Variants in ZNF486 observed in about 807,000 individuals in gnomAD.
The protein encoded by ZNF486 is KRAB box only protein 2.
A neutral mutation model predicts 12.8 loss-of-function variants in ZNF486; 12 were observed. The observed-to-expected ratio is 0.94, with a 90% CI of 0.60 to 1.52. The LOEUF (loss-of-function observed/expected upper bound fraction) is 1.52. Among genes scored for constraint, ZNF486 ranks in the 40% most tolerant of loss-of-function variants. The probability of loss-of-function intolerance (pLI) is 0.00; values close to 1 mark genes in which losing one functional copy is unlikely to be tolerated. For synonymous variants in ZNF486, 231 were observed against 184.9 expected (o/e 1.25, Z -2.02); for missense variants, 738 against 545.0 (o/e 1.35, Z -3.53).
At chr19:20,191,358 T>C (rs1178725837) in intron 3 of ZNF486, among the ~76,000 whole-genome samples, 1 of 150,932 alleles carries the variant, frequency 6.6e-6, no homozygotes, top group Non-Finnish European at 1.5e-5. Flanking sequence ...TCTCAGCTAC[T>C]TGGGAGGCTG....
intron 1 of ZNF486, among the ~76,000 whole-genome samples, chr19:20,169,107 G>T (rs2089617620): frequency 1.3e-5 from 2 of 151,944 alleles, no homozygotes; most frequent in South Asian, 4.2e-4. Context: ...CCGAAGTGGT[G>T]GGGTTACTAC....
At chr19:20,181,042 A>G (rs1354748954) in intron 1 of ZNF486, among the ~76,000 whole-genome samples, 2 of 152,170 alleles carry the variant, frequency 1.3e-5, no homozygotes, top group African/African-American at 4.8e-5. Flanking sequence ...CCCCAGTGGC[A>G]TAGAGAACAG....
At chr19:20,173,147 G>A (rs990107105) in intron 1 of ZNF486, among the ~76,000 whole-genome samples, 1 of 152,172 alleles carries the variant, frequency 6.6e-6, no homozygotes, top group Non-Finnish European at 1.5e-5. Context: ...CAGTTTCTGT[G>A]TCTAGAATGG....
intron 1 of ZNF486, among the ~76,000 whole-genome samples, chr19:20,168,518 G>A (rs2089609930): frequency 6.6e-6 from 1 of 151,984 alleles, no homozygotes; most frequent in Non-Finnish European, 1.5e-5. Context: ...GCTGGGCTTG[G>A]TGGCGCATGC....
At chr19:20,191,657 C>G (rs2089904389) in intron 3 of ZNF486, among the ~76,000 whole-genome samples, 2 of 151,034 alleles carry the variant, frequency 1.3e-5, no homozygotes, top group African/African-American at 4.9e-5. Context: ...GTAGTCCCAG[C>G]TACTCGGGAG....
At chr19:20,190,454 G>T (rs1599713610) in intron 3 of ZNF486, among the ~76,000 whole-genome samples, 1 of 152,158 alleles carries the variant, frequency 6.6e-6, no homozygotes, top group African/African-American at 2.4e-5. Flanking sequence ...GCATAATTTT[G>T]GCTCACTATA....
intron 2 of ZNF486, 63 bp from the exon 3 acceptor site, chr19:20,185,924 C>T (rs1367236754): frequency 2.0e-6 from 2 of 1,021,888 alleles, no homozygotes; most frequent in African/African-American, 1.7e-5. Context: ...CTGCTGAGCA[C>T]ATTACTAGCT....
At chr19:20,167,399 A>C (rs201423315) in intron 1 of ZNF486, 39 bp downstream of exon 1, 2 of 1,606,734 alleles carry the variant, frequency 1.2e-6, no homozygotes, top group Non-Finnish European at 8.5e-7. Context: ...GAGGGGAGGG[A>C]CTGGTTGATG....
At chr19:20,187,088 T>C (rs1373949962) in intron 3 of ZNF486, among the ~76,000 whole-genome samples, 1 of 151,938 alleles carries the variant, frequency 6.6e-6, no homozygotes, top group Non-Finnish European at 1.5e-5. Context: ...CGGCCCATAG[T>C]TTTTTTATTG....
At chr19:20,182,692 T>C (rs979536698) in intron 1 of ZNF486, among the ~76,000 whole-genome samples, 6 of 152,184 alleles carry the variant, frequency 3.9e-5, no homozygotes, top group African/African-American at 1.2e-4. Flanking sequence ...GAGAAACTTA[T>C]ATTTCTATCT....
chr19:20,187,627 G>A (rs887890613), intron 3 of ZNF486, among the ~76,000 whole-genome samples: 8 of 148,806 alleles, frequency 5.4e-5, no homozygotes, highest in East Asian at 2.0e-4. Context: ...TCAGCCTCCC[G>A]AGTAGCTGGG....
chr19:20,180,857 GTACA>G (rs1396313170), intron 1 of ZNF486, among the ~76,000 whole-genome samples: 2 of 152,148 alleles, frequency 1.3e-5, no homozygotes, highest in African/African-American at 4.8e-5. Flanking sequence ...CTTCTAAAGT[GTACA>G]TATTGATTTT....
chr19:20,169,787 G>C (rs111724847), intron 1 of ZNF486, among the ~76,000 whole-genome samples: 15 of 151,940 alleles, frequency 9.9e-5, no homozygotes, highest in Admixed American at 2.6e-4. Context: ...AAGCGGGGAG[G>C]GGAATGACAA....
At position 20,167,255 on chromosome 19, in the gene ZNF486, C is replaced by A; in HGVS notation, c.-76C>A. The A allele has an allele frequency of 6.3e-7, 1 of 1,589,182 alleles. No individual in the cohort carries two copies. The highest frequency in any genetic ancestry group is 8.6e-7 in the Non-Finnish European group (1 of 1,157,480). Reference sequence around the variant, plus strand: ...GGAGCTCTAGGTCGCCTCTTCGCTACTCTGTGTCCTCTGCTCCTAGAGGCC... The same window carrying A: ...GGAGCTCTAGGTCGCCTCTTCGCTAATCTGTGTCCTCTGCTCCTAGAGGCC... On this transcript the variant is annotated 5_prime_UTR_variant, in exon 1 of 4. Transcript: ENST00000335117.
At chr19:20,178,291 G>A (rs57454631) in intron 1 of ZNF486, among the ~76,000 whole-genome samples, 1 of 151,730 alleles carries the variant, frequency 6.6e-6, no homozygotes, top group Non-Finnish European at 1.5e-5. Flanking sequence ...ACCCAGGCTG[G>A]AGTGTGCTGT....
chr19:20,175,346 T>TTTTTA (rs2089694521), intron 1 of ZNF486: 1 of 147,076 alleles, frequency 6.8e-6, no homozygotes, highest in African/African-American at 2.5e-5. Context: ...TTTTTTTTTT[T>TTTTTA]TTTTATTGAT....
chr19:20,182,934 C>T (rs918154470), intron 1 of ZNF486, among the ~76,000 whole-genome samples: 2 of 152,070 alleles, frequency 1.3e-5, no homozygotes, highest in East Asian at 1.9e-4. Flanking sequence ...TTAAGGTAAA[C>T]GTGTCTCAGA....
intron 1 of ZNF486, among the ~76,000 whole-genome samples, chr19:20,177,640 C>G (rs1194034858): frequency 6.6e-6 from 1 of 152,082 alleles, no homozygotes; most frequent in Non-Finnish European, 1.5e-5. Flanking sequence ...TGCAATGGTG[C>G]GATCTCAGCT....
chr19:20,184,091 GT>G (rs1555715961), intron 1 of ZNF486, among the ~76,000 whole-genome samples: 1 of 152,004 alleles, frequency 6.6e-6, no homozygotes, highest in East Asian at 1.9e-4. Flanking sequence ...AAATGTACAT[GT>G]TCATGTTCAT....
Sources: allele counts gnomAD v4.1 joint callset (sites outside exome capture counted in the v4.1 genomes callset), GRCh38; gene constraint gnomAD v4.1.1; transcripts MANE v1.5; gene names NCBI Gene and HGNC (gene_info 2026-07-23, HGNC 2026-07-21).